The following HYLS1 variants were observed in gnomAD, a reference collection of about 807,000 sequenced individuals.
HYLS1 encodes HYLS1 centriolar and ciliogenesis associated.
Under a neutral mutation model 29.4 loss-of-function variants are expected in HYLS1, and 25 were observed. That is an observed-to-expected ratio of 0.85 (90% CI 0.62 to 1.19). HYLS1 has a LOEUF of 1.19. HYLS1 is among the 50% of genes most tolerant of loss of function. The pLI, the probability that HYLS1 is intolerant of heterozygous loss-of-function variation, is 0.00. For missense variants in HYLS1, 352 were observed against 365.1 expected (o/e 0.96, Z 0.29); for synonymous variants, 128 against 126.7 (o/e 1.01, Z -0.07).
chr11:125,888,786 AAGAG>A (rs71048752), intron 1 of HYLS1, among the ~76,000 whole-genome samples: 1 of 100,894 alleles, frequency 9.9e-6, no homozygotes, highest in Non-Finnish European at 2.1e-5. Flanking sequence ...AAAAAAAAAA[AAGAG>A]AAAAGAAAAA....
chr11:125,888,761 T>A (rs1178449603), intron 1 of HYLS1, among the ~76,000 whole-genome samples: 6 of 20,092 alleles, frequency 3.0e-4, no homozygotes, highest in African/African-American at 1.5e-3. Context: ...CGAGCAAGAC[T>A]CTTGTCTCAA....
intron 2 of HYLS1, among the ~76,000 whole-genome samples, chr11:125,892,167 T>C (rs1944426193): frequency 6.6e-6 from 1 of 152,180 alleles, no homozygotes; most frequent in Non-Finnish European, 1.5e-5. Context: ...CTATCCAATC[T>C]AGAAGAGTAA....
chr11:125,894,029 G>T, intron 2 of HYLS1: 1 of 1,614,136 alleles, frequency 6.2e-7, no homozygotes, highest in Admixed American at 1.7e-5. Context: ...TTCTACAAAG[G>T]CACTGGTCTG....
At position 125,899,877 on chromosome 11, in the gene HYLS1, G is replaced by T. The variant is rs1944710089; in HGVS notation, c.509G>T (p.Cys170Phe). 6 of 1,614,180 alleles carry T rather than the reference G, an allele frequency of 3.7e-6. No individual in the cohort carries two copies. The East Asian group carries it at 1.3e-4, about 36-fold the overall frequency. The change falls in exon 3 of 3, where the codon TGC becomes TTC. Residue 170 changes from cysteine to phenylalanine, a missense_variant. By Grantham distance (205) the Cys-to-Phe change is radical (BLOSUM62 -2). Coordinates refer to ENST00000425380, the MANE Select transcript of HYLS1 (RefSeq NM_001134793.2). ...YQGISQDQLI[C>F]SLQREGMGSP... is the part of the protein sequence containing the mutation. Reference sequence around the variant, plus strand: ...GGAATTTCTCAAGATCAGCTCATTTGCTCTCTACAAAGAGAAGGAATGGGC... The same window carrying T: ...GGAATTTCTCAAGATCAGCTCATTTTCTCTCTACAAAGAGAAGGAATGGGC...
At chr11:125,886,088 AC>A (rs1029312636), upstream of HYLS1, among the ~76,000 whole-genome samples, 1 of 151,424 alleles carries the variant, frequency 6.6e-6, no homozygotes, top group African/African-American at 2.4e-5. Context: ...CCAAAACCAT[AC>A]CCCCTCTCTG....
chr11:125,885,305 G>C (rs1944286589), upstream of HYLS1, among the ~76,000 whole-genome samples: 1 of 152,060 alleles, frequency 6.6e-6, no homozygotes, highest in Non-Finnish European at 1.5e-5. Context: ...ACAAAAATTA[G>C]CTGGGTGTGG....
chr11:125,897,972 T>TA (rs1446171493), intron 2 of HYLS1, among the ~76,000 whole-genome samples: 1 of 152,250 alleles, frequency 6.6e-6, no homozygotes, highest in African/African-American at 2.4e-5. Context: ...AAATTTATGA[T>TA]ACATTCATAC....
At chr11:125,894,504 T>C (rs1416359129) in intron 2 of HYLS1, among the ~76,000 whole-genome samples, 1 of 152,170 alleles carries the variant, frequency 6.6e-6, no homozygotes, top group Non-Finnish European at 1.5e-5. Context: ...CTGATCTATG[T>C]AAGGTAAATG....
At position 125,900,394 on chromosome 11, in the gene HYLS1, A is replaced by T; in HGVS notation, c.*126A>T. On this transcript the variant is annotated 3_prime_UTR_variant, in exon 3 of 3. Transcript: ENST00000425380. ...TTTTATGGTAAGGACTTCACCTATCATTGGTCTTTCCTAGCTATATATCAC... is the reference window on the plus strand; with the variant it reads ...TTTTATGGTAAGGACTTCACCTATCTTTGGTCTTTCCTAGCTATATATCAC... 1 of 883,998 alleles carries T rather than the reference A, an allele frequency of 1.1e-6. No individual in the cohort carries two copies. Among genetic ancestry groups the T allele is most frequent in the Non-Finnish European group, 1.8e-6 (1 of 553,226 alleles). The allele number at this position is 883,998 out of a possible 1,614,324, so 54.8% of individuals were successfully genotyped here.
At chr11:125,895,567 G>A (rs372488492) in intron 2 of HYLS1, 48 of 1,614,062 alleles carry the variant, frequency 3.0e-5, no homozygotes, top group Non-Finnish European at 3.6e-5. Context: ...AAATCAGCAC[G>A]AGGGAAAAAA....
upstream of HYLS1, among the ~76,000 whole-genome samples, chr11:125,885,213 A>G (rs1161121266): frequency 1.3e-5 from 2 of 152,182 alleles, no homozygotes; most frequent in African/African-American, 4.8e-5. Context: ...GCACTTTGGG[A>G]GGTGGAGGCT....
In HYLS1 at chr11:125,900,547, G is replaced by A; in HGVS notation, c.*279G>A. 7.1e-6 allele frequency: 3 copies of A among 420,858 alleles called. No individual in the cohort carries two copies. The highest frequency in any genetic ancestry group is 5.5e-5 in the East Asian group (1 of 18,198). 26.1% of individuals were successfully genotyped at this position (420,858 alleles called of 1,614,324 possible). On this transcript the variant is annotated 3_prime_UTR_variant, in exon 3 of 3. Coordinates refer to ENST00000425380, the MANE Select transcript of HYLS1 (RefSeq NM_001134793.2). ...AATTAGTAAGGGCCCTTTGTGTCCT[G>A]TAACTTTTTTTACCTATCAATATGA...
chr11:125,894,225 A>C, intron 2 of HYLS1: 6 of 1,613,518 alleles, frequency 3.7e-6, no homozygotes, highest in Non-Finnish European at 5.1e-6. Context: ...TCCTGGTCAT[A>C]GATCCACTTG....
chr11:125,897,305 G>T (rs1017409862), intron 2 of HYLS1, among the ~76,000 whole-genome samples: 1 of 152,076 alleles, frequency 6.6e-6, no homozygotes, highest in Admixed American at 6.5e-5. Context: ...AACATGGAAT[G>T]ACTTTTTTCT....
chr11:125,899,213 C>T, intron 2 of HYLS1, 131 bp from the exon 3 acceptor site: 1 of 649,932 alleles, frequency 1.5e-6, no homozygotes. Flanking sequence ...CTGATACTAC[C>T]CTGTATTGAA....
chr11:125,892,697 C>T (rs1394964438), intron 2 of HYLS1, among the ~76,000 whole-genome samples: 2 of 152,166 alleles, frequency 1.3e-5, no homozygotes, highest in African/African-American at 4.8e-5. Context: ...TTTTCATCAT[C>T]TATTGCCTCC....
intron 2 of HYLS1, chr11:125,894,139 A>G (rs943684050): frequency 6.2e-7 from 1 of 1,614,146 alleles, no homozygotes. Flanking sequence ...CTTGTAGCAT[A>G]CTATACAACA....
upstream of HYLS1, among the ~76,000 whole-genome samples, chr11:125,885,639 G>A (rs1051924581): frequency 6.6e-6 from 1 of 152,178 alleles, no homozygotes; most frequent in Non-Finnish European, 1.5e-5. Context: ...TTGCTCCTAT[G>A]GAAAGAAAAG....
chr11:125,895,788 A>G lies in HYLS1; in HGVS notation c.-25-3556A>G, dbSNP rs749001838. On this transcript the variant is annotated intron_variant, in intron 2 of 2. Coordinates refer to ENST00000425380, the MANE Select transcript of HYLS1 (RefSeq NM_001134793.2). Reference sequence around the variant, plus strand: ...CTGAGAGCGAAGGTCAAGTGAGATCACCTGTGGAGTTAGACAAAGATACTG... The same window carrying G: ...CTGAGAGCGAAGGTCAAGTGAGATCGCCTGTGGAGTTAGACAAAGATACTG... 4.4e-6 allele frequency: 7 copies of G among 1,593,192 alleles called. No homozygotes were observed. The Admixed American group carries it at 1.0e-4, about 23-fold the overall frequency.
Sources: gnomAD v4.1 joint callset for allele counts (sites outside exome capture counted in the v4.1 genomes callset) on GRCh38, gnomAD v4.1.1 for gene constraint, MANE v1.5 for transcripts, NCBI Gene and HGNC (gene_info 2026-07-23, HGNC 2026-07-21) for gene names.